The following GALNTL6 variants were observed in gnomAD, a reference collection of about 807,000 sequenced individuals.
GALNTL6 encodes polypeptide N-acetylgalactosaminyltransferase-like 6.
Under a neutral mutation model 73.7 loss-of-function variants are expected in GALNTL6, and 46 were observed. That is an observed-to-expected ratio of 0.62 (90% confidence interval 0.49 to 0.80). The LOEUF is 0.80. GALNTL6 is among the 30% of genes least tolerant of loss of function. The pLI is 0.00. For synonymous variants in GALNTL6, 259 were observed against 263.7 expected, an observed-to-expected ratio of 0.98 and a Z score of 0.17; for missense variants, 604 against 755.0, an observed-to-expected ratio of 0.80 and a Z score of 2.34.
At chr4:172,770,223 AC>A (rs1738682634) in intron 5 of GALNTL6, among the ~76,000 whole-genome samples, 1 of 151,814 alleles carries the variant, frequency 6.6e-6, no homozygotes, top group Non-Finnish European at 1.5e-5. Flanking sequence ...CCAAGATGGC[AC>A]CATTGCACTC....
At chr4:172,059,242 G>A (rs1731119075) in intron 2 of GALNTL6, among the ~76,000 whole-genome samples, 1 of 152,186 alleles carries the variant, frequency 6.6e-6, no homozygotes, top group African/African-American at 2.4e-5. Context: ...GACAGAATAA[G>A]AGGAAGCAGT....
chr4:172,466,899 C>T (rs566210272), intron 5 of GALNTL6, among the ~76,000 whole-genome samples: 11 of 151,172 alleles, frequency 7.3e-5, no homozygotes, highest in Admixed American at 7.2e-4. Context: ...TCGAATCTTA[C>T]GAGATTTGCA....
At chr4:172,895,489 ATAT>A (rs1746279457) in intron 8 of GALNTL6, among the ~76,000 whole-genome samples, 2 of 151,658 alleles carry the variant, frequency 1.3e-5, no homozygotes, top group Non-Finnish European at 2.9e-5. Flanking sequence ...GCTGTCAGGC[ATAT>A]TAGAACTCCC....
intron 2 of GALNTL6, among the ~76,000 whole-genome samples, chr4:171,905,147 T>A (rs1034227071): frequency 6.6e-6 from 1 of 152,096 alleles, no homozygotes; most frequent in African/African-American, 2.4e-5. Context: ...CATAACTATA[T>A]TAACTTTAAA....
chr4:172,885,412 G>A (rs796322588), intron 8 of GALNTL6, among the ~76,000 whole-genome samples: 1 of 152,116 alleles, frequency 6.6e-6, no homozygotes, highest in Non-Finnish European at 1.5e-5. Context: ...ATTTCTGTTA[G>A]TGTATAGCAA....
intron 12 of GALNTL6, among the ~76,000 whole-genome samples, chr4:173,024,605 G>A (rs145789643): frequency 0.023 from 3,436 of 152,214 alleles, 131 homozygotes; most frequent in African/African-American, 0.076. Flanking sequence ...TTTTTGAGAC[G>A]GAGTTTTGCT....
chr4:172,138,513 A>ATTTTTTTT (rs1169097172), intron 2 of GALNTL6, among the ~76,000 whole-genome samples: 2 of 7,792 alleles, frequency 2.6e-4, no homozygotes, highest in African/African-American at 4.6e-4. Context: ...ATATATATAT[A>ATTTTTTTT]TTTTTTTTTT....
At chr4:172,823,679 TAAAGA>T in intron 7 of GALNTL6, among the ~76,000 whole-genome samples, 1 of 151,890 alleles carries the variant, frequency 6.6e-6, no homozygotes, top group South Asian at 2.1e-4. Context: ...TGGTAGAAAG[TAAAGA>T]AGAAAAGGAA....
At chr4:172,690,440 T>C (rs1474208496) in intron 5 of GALNTL6, among the ~76,000 whole-genome samples, 1 of 152,202 alleles carries the variant, frequency 6.6e-6, no homozygotes, top group Non-Finnish European at 1.5e-5. Context: ...AAAGAAGCCA[T>C]TTCTGTATCA....
chr4:172,229,918 C>G (rs546165801), intron 3 of GALNTL6, among the ~76,000 whole-genome samples, 154 bp downstream of exon 3: 1 of 152,244 alleles, frequency 6.6e-6, no homozygotes, highest in South Asian at 2.1e-4. Context: ...TAAATGACTT[C>G]AAATTTCAGA....
chr4:171,827,105 T>G (rs1734844616), intron 2 of GALNTL6, among the ~76,000 whole-genome samples: 1 of 152,262 alleles, frequency 6.6e-6, no homozygotes, highest in African/African-American at 2.4e-5. Context: ...AGTGGAGAAG[T>G]TAAGGTTACA....
intron 12 of GALNTL6, among the ~76,000 whole-genome samples, chr4:173,036,591 A>C (rs1753705491): frequency 6.6e-6 from 1 of 152,234 alleles, no homozygotes; most frequent in African/African-American, 2.4e-5. Context: ...CAGGCAAAAC[A>C]AAACAAAACC....
At chr4:172,832,606 T>C (rs10033472) in intron 7 of GALNTL6, among the ~76,000 whole-genome samples, 20,652 of 152,132 alleles carry the variant, frequency 0.14, 2,572 homozygotes, top group African/African-American at 0.32. Flanking sequence ...CAGAATGACC[T>C]TGGGCCAGGC....
chr4:172,624,468 A>G (rs1739079647), intron 5 of GALNTL6, among the ~76,000 whole-genome samples: 1 of 151,958 alleles, frequency 6.6e-6, no homozygotes, highest in South Asian at 2.1e-4. Flanking sequence ...ACCAGCGTAC[A>G]GGTAGTCTGA....
In GALNTL6 at chr4:173,040,525, G is replaced by A. The variant is rs1199208905; in HGVS notation, c.*425G>A. On this transcript the variant is annotated 3_prime_UTR_variant, in exon 13 of 13. Coordinates refer to ENST00000506823, the MANE Select transcript of GALNTL6 (RefSeq NM_001034845.3). Reference sequence around the variant, plus strand: ...ATATCACAGGTTTAGAACTAGCCAAGCTTAAGGGGTGAGCTGTACTCTTTG... The same window carrying A: ...ATATCACAGGTTTAGAACTAGCCAAACTTAAGGGGTGAGCTGTACTCTTTG... 1 of 163,632 alleles carries A rather than the reference G, an allele frequency of 6.1e-6. No homozygotes were observed. The highest frequency in any genetic ancestry group is 1.3e-5 in the Non-Finnish European group (1 of 75,670). The allele number at this position is 163,632 out of a possible 1,614,324, so 10.1% of individuals were successfully genotyped here.
intron 2 of GALNTL6, among the ~76,000 whole-genome samples, chr4:171,988,967 C>T (rs1012664825): frequency 9.9e-5 from 15 of 151,902 alleles, no homozygotes; most frequent in Non-Finnish European, 5.9e-5. Flanking sequence ...TAGGAATAGT[C>T]AGGGAAGCAG....
At chr4:172,397,843 CCAGGATTACAGGCAT>C (rs1386775501) in intron 5 of GALNTL6, among the ~76,000 whole-genome samples, 2 of 152,056 alleles carry the variant, frequency 1.3e-5, no homozygotes, top group Non-Finnish European at 2.9e-5. Flanking sequence ...TCCAAAAGTG[CCAGGATTACAGGCAT>C]CAGCAACTGT....
chr4:172,461,069 G>A (rs768184631), intron 5 of GALNTL6, among the ~76,000 whole-genome samples: 3 of 152,150 alleles, frequency 2.0e-5, no homozygotes, highest in Non-Finnish European at 4.4e-5. Context: ...CCTTTGGAGG[G>A]ACATGGTTGA....
At chr4:172,855,028 G>A (rs1744050685) in intron 7 of GALNTL6, among the ~76,000 whole-genome samples, 1 of 152,094 alleles carries the variant, frequency 6.6e-6, no homozygotes, top group Non-Finnish European at 1.5e-5. Flanking sequence ...AAAAGTGACT[G>A]ATGCCTTACT....
Sources: allele counts gnomAD v4.1 joint callset (sites outside exome capture counted in the v4.1 genomes callset), GRCh38; gene constraint gnomAD v4.1.1; transcripts MANE v1.5; gene names NCBI Gene and HGNC (gene_info 2026-07-23, HGNC 2026-07-21).